EDN1: variants seen among roughly 807,000 people sequenced by gnomAD.
EDN1 encodes the protein endothelin-1.
A neutral mutation model predicts 21.7 loss-of-function variants in EDN1; 11 were observed. The ratio of observed to expected loss-of-function variants is 0.51; its 90% CI spans 0.32 to 0.84. EDN1 has a LOEUF of 0.84. Ranked by LOEUF, EDN1 falls within the 40% of genes least tolerant of loss-of-function variation. The pLI is 0.03. For synonymous variants in EDN1, 85 were observed against 90.6 expected (o/e 0.94, Z 0.35); for missense variants, 244 against 262.3 (o/e 0.93, Z 0.48).
At chr6:12,286,781 GT>G (rs143737458), upstream of EDN1, among the ~76,000 whole-genome samples, 9,877 of 152,186 alleles carry the variant, frequency 0.065, 409 homozygotes, top group African/African-American at 0.13. Context: ...ATAAAAAATA[GT>G]TTTATCAAAT....
upstream of EDN1, among the ~76,000 whole-genome samples, chr6:12,286,120 T>A (rs1041833177): frequency 7.9e-5 from 12 of 152,320 alleles, no homozygotes; most frequent in African/African-American, 2.9e-4. Flanking sequence ...CACCCAAATA[T>A]GGTAAAAATT....
the EDN1 span, among the ~76,000 whole-genome samples, chr6:12,250,365 C>T: frequency 6.6e-6 from 1 of 152,028 alleles, no homozygotes; most frequent in Non-Finnish European, 1.5e-5. Context: ...TCACTGTTGC[C>T]ACTGGTAAGA....
the EDN1 span, among the ~76,000 whole-genome samples, chr6:12,282,103 T>A: frequency 6.6e-6 from 1 of 152,222 alleles, no homozygotes; most frequent in African/African-American, 2.4e-5. Context: ...TGCTTGAGTT[T>A]CTATGCATGT....
At chr6:12,259,416 G>A in the EDN1 span, among the ~76,000 whole-genome samples, 6 of 150,068 alleles carry the variant, frequency 4.0e-5, no homozygotes, top group Admixed American at 3.3e-4. Context: ...TAAATAATTA[G>A]AAAGATTATT....
chr6:12,251,562 CT>C, the EDN1 span, among the ~76,000 whole-genome samples: 2 of 152,290 alleles, frequency 1.3e-5, no homozygotes, highest in African/African-American at 4.8e-5. Flanking sequence ...AAACCAATAA[CT>C]CATATAAATT....
the EDN1 span, among the ~76,000 whole-genome samples, chr6:12,231,801 T>C: frequency 6.6e-6 from 1 of 152,122 alleles, no homozygotes; most frequent in East Asian, 1.9e-4. Flanking sequence ...TTTTTCTTTA[T>C]AATAAGCTTC....
At chr6:12,235,857 T>C in the EDN1 span, among the ~76,000 whole-genome samples, 1 of 152,232 alleles carries the variant, frequency 6.6e-6, no homozygotes, top group African/African-American at 2.4e-5. Context: ...GACTGGTGTC[T>C]ACCATATTGG....
At chr6:12,240,587 A>G in the EDN1 span, among the ~76,000 whole-genome samples, 1 of 152,186 alleles carries the variant, frequency 6.6e-6, no homozygotes. Context: ...GATAAAGAGC[A>G]TGGAATAGTA....
At chr6:12,241,938 C>A in the EDN1 span, among the ~76,000 whole-genome samples, 1 of 152,226 alleles carries the variant, frequency 6.6e-6, no homozygotes, top group South Asian at 2.1e-4. Flanking sequence ...GTGCAGGCTG[C>A]ACCCATCTTT....
chr6:12,280,084 C>T, the EDN1 span, among the ~76,000 whole-genome samples: 1 of 151,886 alleles, frequency 6.6e-6, no homozygotes, highest in Non-Finnish European at 1.5e-5. Context: ...GGAATATAAT[C>T]AAGTTCAGAT....
At chr6:12,249,085 A>G in the EDN1 span, among the ~76,000 whole-genome samples, 5 of 152,208 alleles carry the variant, frequency 3.3e-5, no homozygotes, top group Non-Finnish European at 5.9e-5. Flanking sequence ...TAGTGTTTCT[A>G]TGAATCATCT....
intron 4 of EDN1, among the ~76,000 whole-genome samples, chr6:12,294,804 G>A (rs1286512287): frequency 1.3e-5 from 2 of 151,842 alleles, no homozygotes; most frequent in East Asian, 3.9e-4. Flanking sequence ...GAATCAAAGT[G>A]TCATGGATAA....
the EDN1 span, among the ~76,000 whole-genome samples, chr6:12,265,009 A>G: frequency 6.6e-6 from 1 of 152,318 alleles, no homozygotes; most frequent in South Asian, 2.1e-4. Flanking sequence ...CAAGTCCAAC[A>G]CATAAAAGAG....
chr6:12,232,923 G>C, the EDN1 span, among the ~76,000 whole-genome samples: 4,901 of 152,162 alleles, frequency 0.032, 267 homozygotes, highest in African/African-American at 0.11. Context: ...GTAGAAAGAG[G>C]GACAGGTCAC....
At chr6:12,287,536 C>T (rs904173458), upstream of EDN1, among the ~76,000 whole-genome samples, 4 of 152,060 alleles carry the variant, frequency 2.6e-5, no homozygotes, top group Admixed American at 2.6e-4. Context: ...GGGCTTCCCT[C>T]TGCCCCTACA....
At chr6:12,282,213 A>C in the EDN1 span, among the ~76,000 whole-genome samples, 1 of 152,208 alleles carries the variant, frequency 6.6e-6, no homozygotes, top group Non-Finnish European at 1.5e-5. Flanking sequence ...GAATTGGGAA[A>C]AATGAAGCCA....
rs773985828 is a variant in EDN1 at position 12,294,343 on chromosome 6, C to T, written c.472C>T (p.Gln158Ter). The T allele has an allele frequency of 6.2e-6, 10 of 1,614,116 alleles. No homozygotes were observed. Among genetic ancestry groups the T allele is most frequent in the Middle Eastern group, 3.3e-4 (2 of 6,062 alleles). Residue 158 changes from glutamine to a stop codon, truncating the protein, a stop_gained, in exon 4 of 5, where the codon CAG becomes TAG. Transcript: ENST00000379375. LOFTEE classifies it high-confidence loss of function. ...CSKLGKKCIY[Q>*]QLVRGRKIRR... ...CAAGCTTGGGAAAAAGTGTATTTATCAGCAGTTAGTGAGAGGAAGAAAAAT... is the reference window on the plus strand; with the variant it reads ...CAAGCTTGGGAAAAAGTGTATTTATTAGCAGTTAGTGAGAGGAAGAAAAAT...
chr6:12,281,573 G>C, the EDN1 span, among the ~76,000 whole-genome samples: 2 of 152,228 alleles, frequency 1.3e-5, no homozygotes, highest in Admixed American at 1.3e-4. Flanking sequence ...CCAAGGAGCT[G>C]TTTAATGAGT....
At chr6:12,234,757 T>G in the EDN1 span, among the ~76,000 whole-genome samples, 2 of 152,108 alleles carry the variant, frequency 1.3e-5, no homozygotes, top group East Asian at 3.9e-4. Flanking sequence ...TTCTCCAAGG[T>G]TACATTGATC....
Sources: gnomAD v4.1 joint callset for allele counts (sites outside exome capture counted in the v4.1 genomes callset) on GRCh38, gnomAD v4.1.1 for gene constraint, MANE v1.5 for transcripts, NCBI Gene and HGNC (gene_info 2026-07-23, HGNC 2026-07-21) for gene names.